OR56A3: variants seen among roughly 807,000 people sequenced by gnomAD.
OR56A3 encodes the protein olfactory receptor family 56 subfamily A member 3, also known as olfactory receptor 56A3.
Under a neutral mutation model 17.5 loss-of-function variants are expected in OR56A3, and 23 were observed. The observed-to-expected ratio is 1.32, with a 90% CI of 0.95 to 1.87. The LOEUF (loss-of-function observed/expected upper bound fraction) is 1.87, where lower values mean the gene tolerates loss of function less well. OR56A3 is among the 40% of genes most tolerant of loss of function. OR56A3 has a pLI of 0.00. For synonymous variants in OR56A3, 175 were observed against 150.6 expected (o/e 1.16, Z -1.19); for missense variants, 366 against 380.1 (o/e 0.96, Z 0.31).
chr11:5,947,490 C>T lies in OR56A3; in HGVS notation c.144C>T (p.Thr48=), dbSNP rs749996257. 18 of 1,613,880 alleles carry T rather than the reference C, an allele frequency of 1.1e-5. No individual in the cohort carries two copies. The change falls in exon 3 of 3, where the codon ACC becomes ACT. Residue 48 remains threonine, a synonymous_variant. Transcript: ENST00000641160. Reference sequence around the variant, plus strand: ...TCTTGGCCGTAGGGGCCAACACCACCCTCCTGATGACCATCTGGCTGGAGG... The same window carrying T: ...TCTTGGCCGTAGGGGCCAACACCACTCTCCTGATGACCATCTGGCTGGAGG... ...LFLLAVGANT[T]LLMTIWLEAS...
chr11:5,957,005 T>C, the OR56A3 span, among the ~76,000 whole-genome samples: 2 of 152,210 alleles, frequency 1.3e-5, no homozygotes, highest in Non-Finnish European at 2.9e-5. Context: ...AAATAAAAAA[T>C]TAGCCAGACA....
At position 5,947,296 on chromosome 11, in the gene OR56A3, A is replaced by G; in HGVS notation, c.-36-15A>G. ...ATCAAGAATCCACAGCTAGTTTGTA[A>G]TCATAATTTTCCAGATCACTGAAAG... On this transcript the variant is annotated splice_polypyrimidine_tract_variant and intron_variant, in intron 2 of 2. Coordinates refer to ENST00000641160, the MANE Select transcript of OR56A3 (RefSeq NM_001003443.3). 6.8e-7 allele frequency: 1 copy of G among 1,466,268 alleles called. No individual in the cohort carries two copies. Among genetic ancestry groups the G allele is most frequent in the Non-Finnish European group, 9.2e-7 (1 of 1,082,096 alleles). The allele number at this position is 1,466,268 out of a possible 1,614,324, so 90.8% of individuals were successfully genotyped here.
the OR56A3 span, chr11:6,007,047 A>T: frequency 6.6e-6 from 1 of 152,174 alleles, no homozygotes; most frequent in Non-Finnish European, 1.5e-5. Flanking sequence ...TGCCATTATT[A>T]GGCACCTGGA....
chr11:6,016,091 T>G, the OR56A3 span, among the ~76,000 whole-genome samples: 1 of 152,142 alleles, frequency 6.6e-6, no homozygotes, highest in African/African-American at 2.4e-5. Flanking sequence ...TGGTTTCTCA[T>G]GAATGGTTTA....
chr11:6,018,798 A>T, the OR56A3 span, among the ~76,000 whole-genome samples: 3 of 152,048 alleles, frequency 2.0e-5, no homozygotes, highest in Admixed American at 1.3e-4. Flanking sequence ...ACTAATCAAA[A>T]GAAAAAGAGA....
chr11:5,964,000 C>T, the OR56A3 span, among the ~76,000 whole-genome samples: 1 of 151,996 alleles, frequency 6.6e-6, no homozygotes, highest in Non-Finnish European at 1.5e-5. Flanking sequence ...GTTGTTGATG[C>T]TCTATTATAT....
chr11:5,968,189 A>C, the OR56A3 span: 1 of 1,614,202 alleles, frequency 6.2e-7, no homozygotes, highest in Non-Finnish European at 8.5e-7. Flanking sequence ...TGAACACCTG[A>C]AGGAAGCAGG....
At chr11:5,943,460 C>A (rs2134359603) in intron 1 of OR56A3, 1 of 150,314 alleles carries the variant, frequency 6.7e-6, no homozygotes, top group South Asian at 2.1e-4. Context: ...CTTTGTGACC[C>A]CTGGAGAAGA....
the OR56A3 span, chr11:5,968,581 A>C: frequency 9.9e-7 from 1 of 1,010,680 alleles, no homozygotes; most frequent in South Asian, 1.6e-5. Context: ...AGCTGTTAAA[A>C]TATTTGCTAA....
chr11:5,973,274 A>G, the OR56A3 span, among the ~76,000 whole-genome samples: 1 of 152,194 alleles, frequency 6.6e-6, no homozygotes, highest in Non-Finnish European at 1.5e-5. Flanking sequence ...GCATTACATT[A>G]TAGTATCAAT....
chr11:5,967,571 G>A, the OR56A3 span: 2 of 1,599,492 alleles, frequency 1.3e-6, no homozygotes, highest in South Asian at 1.1e-5. Context: ...TCCTCAGCAG[G>A]TTCTGGATTC....
the OR56A3 span, among the ~76,000 whole-genome samples, chr11:6,019,126 A>G: frequency 6.6e-6 from 1 of 152,094 alleles, no homozygotes; most frequent in Non-Finnish European, 1.5e-5. Context: ...TTCTTCTAAA[A>G]CTACTCCAAA....
At chr11:5,951,723 C>T (rs568870672), downstream of OR56A3, among the ~76,000 whole-genome samples, 1 of 152,290 alleles carries the variant, frequency 6.6e-6, no homozygotes, top group Admixed American at 6.5e-5. Context: ...CAACATTTAA[C>T]ACCATATGTA....
At chr11:5,983,755 A>G in the OR56A3 span, among the ~76,000 whole-genome samples, 1 of 152,252 alleles carries the variant, frequency 6.6e-6, no homozygotes, top group Non-Finnish European at 1.5e-5. Context: ...ACAATTGGGC[A>G]GAGATCATTG....
At chr11:6,002,125 G>C in the OR56A3 span, 1 of 1,614,016 alleles carries the variant, frequency 6.2e-7, no homozygotes, top group Non-Finnish European at 8.5e-7. Flanking sequence ...ATGGGGTTCA[G>C]AGCTGGGGGA....
Position 5,942,384 on chromosome 11 carries a change from C to G in OR56A3, c.-314+10C>G, listed in dbSNP as rs1847843996. 6.6e-6 allele frequency: 1 copy of G among 152,180 alleles called. No individual in the cohort carries two copies. The highest frequency in any genetic ancestry group is 1.5e-5 in the Non-Finnish European group (1 of 68,030). The allele number at this position is 152,180 out of a possible 1,614,324, so 9.4% of individuals were successfully genotyped here. On this transcript the variant is annotated intron_variant, in intron 1 of 2. Transcript: ENST00000641160. ...CTGCACCCTGTCTCAGGTAAAGAGG[C>G]TTATGTGCTCTGGGACCTTCTCTCT...
At chr11:5,994,375 C>A in the OR56A3 span, 2,356 of 708,486 alleles carry the variant, frequency 3.3e-3, 75 homozygotes, top group South Asian at 0.031. Context: ...TCCAGCTTCT[C>A]TCTGTTCTTC....
chr11:6,002,987 T>C, the OR56A3 span: 11 of 1,614,108 alleles, frequency 6.8e-6, no homozygotes, highest in Admixed American at 5.0e-5. Context: ...TGCTGGGAGA[T>C]GCCATGTAAA....
downstream of OR56A3, among the ~76,000 whole-genome samples, chr11:5,951,791 G>A (rs1159632971): frequency 6.6e-6 from 1 of 152,134 alleles, no homozygotes; most frequent in Non-Finnish European, 1.5e-5. Context: ...TGGTGCTGGG[G>A]TTGTAGTAAA....
Sources: gnomAD v4.1 joint callset for allele counts (sites outside exome capture counted in the v4.1 genomes callset) on GRCh38, gnomAD v4.1.1 for gene constraint, MANE v1.5 for transcripts, NCBI Gene and HGNC (gene_info 2026-07-23, HGNC 2026-07-21) for gene names.